Variants in G6PC1 observed in about 807,000 individuals in gnomAD.
The protein encoded by G6PC1 is glucose-6-phosphatase catalytic subunit 1, also known as G-6-Pase.
A neutral mutation model predicts 30.4 loss-of-function variants in G6PC1; 23 were observed. The observed-to-expected ratio is 0.76, with a 90% CI of 0.55 to 1.07. G6PC1 has a LOEUF of 1.07. Ranked by LOEUF, G6PC1 falls within the 50% of genes least tolerant of loss-of-function variation. The pLI is 0.00. For missense variants in G6PC1, 391 were observed against 433.9 expected (o/e 0.90, Z 0.88); for synonymous variants, 163 against 175.6 (o/e 0.93, Z 0.57).
At chr17:42,904,606 G>A (rs2056047256) in intron 2 of G6PC1, among the ~76,000 whole-genome samples, 1 of 152,116 alleles carries the variant, frequency 6.6e-6, no homozygotes, top group Admixed American at 6.6e-5. Context: ...AACTAGGGAA[G>A]GTCCCTTAGT....
Position 42,911,174 on chromosome 17 carries a change from T to C in G6PC1, c.822T>C (p.Ala274=), listed in dbSNP as rs761361643. The stretch of plus-strand genomic sequence containing the variant: ...GCACGCTCTTTGGCCTGGGGCTGGC[T>C]CTCAACTCCAGCATGTACAGGGAGA... The part of the protein sequence containing the change: ...NLGTLFGLGL[A]LNSSMYRESC... Residue 274 remains alanine, a synonymous_variant, in exon 5 of 5, where the codon GCT becomes GCC. Coordinates refer to ENST00000253801, the MANE Select transcript of G6PC1 (RefSeq NM_000151.4). The C allele has an allele frequency of 1.7e-5, 28 of 1,613,980 alleles. No individual in the cohort carries two copies. The highest frequency in any genetic ancestry group is 2.3e-5 in the Non-Finnish European group (27 of 1,180,018).
At position 42,911,713 on chromosome 17, in the gene G6PC1, C is replaced by G. The variant is rs541803451; in HGVS notation, c.*287C>G. 4.1e-6 allele frequency: 2 copies of G among 484,320 alleles called. No homozygotes were observed. The highest frequency in any genetic ancestry group is 3.8e-6 in the Non-Finnish European group (1 of 263,902). The allele number at this position is 484,320 out of a possible 1,614,324, so 30.0% of individuals were successfully genotyped here. On this transcript the variant is annotated 3_prime_UTR_variant, in exon 5 of 5. Transcript: ENST00000253801. ...TCCTCTCTCTACTTGAATACTCTCA[C>G]AAGTAGGGAGCTCACTCCCACTGGA... is the stretch of plus-strand genomic sequence containing the variant.
chr17:42,914,122 T>C lies in G6PC1; in HGVS notation c.*2696T>C, dbSNP rs2056112454. ...GTCTTTTTTTTTTTTTTAATAGAGATGGGGGTCTCACTATGCTGCCCAGGC... is the reference window on the plus strand; with the variant it reads ...GTCTTTTTTTTTTTTTTAATAGAGACGGGGGTCTCACTATGCTGCCCAGGC... On this transcript the variant is annotated 3_prime_UTR_variant, in exon 5 of 5. Transcript: ENST00000253801. Among the ~76,000 whole-genome samples, 1 of 150,960 alleles carries C rather than the reference T, an allele frequency of 6.6e-6. No homozygotes were observed. The highest frequency in any genetic ancestry group is 2.4e-5 in the African/African-American group (1 of 40,974).
At chr17:42,906,421 C>T (rs1402968928) in intron 2 of G6PC1, among the ~76,000 whole-genome samples, 5 of 152,214 alleles carry the variant, frequency 3.3e-5, no homozygotes, top group Middle Eastern at 3.4e-3. Context: ...TTGATCAAGG[C>T]GACTCTCTTT....
chr17:42,907,891 G>A (rs2056071943), intron 3 of G6PC1, among the ~76,000 whole-genome samples: 1 of 152,154 alleles, frequency 6.6e-6, no homozygotes, highest in South Asian at 2.1e-4. Context: ...TAAAAATAAG[G>A]TAGTGAAGTA....
chr17:42,913,453 C>T lies in G6PC1; in HGVS notation c.*2027C>T, dbSNP rs965927045. On this transcript the variant is annotated 3_prime_UTR_variant, in exon 5 of 5. Coordinates refer to ENST00000253801, the MANE Select transcript of G6PC1 (RefSeq NM_000151.4). The stretch of plus-strand genomic sequence containing the variant: ...TTGGTTTCTCTGTGCCTGCATTTTC[C>T]CTTTGGAGAAGAAAAGTGCTCTCTC... 5 of 152,128 alleles carry T rather than the reference C, an allele frequency of 3.3e-5. No homozygotes were observed. Among genetic ancestry groups the T allele is most frequent in the Admixed American group, 1.3e-4 (2 of 15,256 alleles). The allele number at this position is 152,128 out of a possible 1,614,324, so 9.4% of individuals were successfully genotyped here. A position where few individuals can be genotyped will look rare whatever the true frequency, so the allele number is the denominator to read the frequency against.
At chr17:42,903,054 A>C (rs1471515218) in intron 1 of G6PC1, among the ~76,000 whole-genome samples, 2 of 149,526 alleles carry the variant, frequency 1.3e-5, no homozygotes, top group Non-Finnish European at 3.0e-5. Flanking sequence ...AAAAAGTCAC[A>C]TAGCTGCCAT....
At chr17:42,910,083 CCTCGTGAT>C (rs1309027838) in intron 4 of G6PC1, among the ~76,000 whole-genome samples, 2 of 151,978 alleles carry the variant, frequency 1.3e-5, no homozygotes, top group African/African-American at 4.8e-5. Context: ...GATCTCCTGA[CCTCGTGAT>C]CCGCCCGCCT....
At chr17:42,908,656 C>T (rs1403356549) in intron 3 of G6PC1, among the ~76,000 whole-genome samples, 3 of 150,330 alleles carry the variant, frequency 2.0e-5, no homozygotes, top group African/African-American at 7.4e-5. Context: ...CCATCCGCCT[C>T]AGCCTCCCAA....
chr17:42,911,425 A>G lies in G6PC1; in HGVS notation c.1073A>G (p.Ter358=). The G allele has an allele frequency of 6.2e-7, 1 of 1,614,156 alleles. No homozygotes were observed. The highest frequency in any genetic ancestry group is 8.5e-7 in the Non-Finnish European group (1 of 1,180,022). The change falls in exon 5 of 5, where the codon TAA becomes TGA. Residue 358 remains the stop codon, a stop_retained_variant. Transcript: ENST00000253801. The part of the protein sequence containing the change: ...VLGQPHKKSL[*] ...GGCCAGCCGCACAAGAAGTCGTTGT[A>G]AGAGATGTGGAGTCTTCGGTGTTTA...
rs183285298 is a variant in G6PC1, at chr17:42,904,060, C to A, written c.340+20C>A. On this transcript the variant is annotated intron_variant, in intron 2 of 4. Coordinates refer to ENST00000253801, the MANE Select transcript of G6PC1 (RefSeq NM_000151.4). ...GACCAGGTAAGCGTCCCAGCCCCTGCAGACAGAAGCTGAGTGGACCTCGTT... is the reference window on the plus strand; with the variant it reads ...GACCAGGTAAGCGTCCCAGCCCCTGAAGACAGAAGCTGAGTGGACCTCGTT... 2 of 1,517,112 alleles carry A rather than the reference C, an allele frequency of 1.3e-6. No individual in the cohort carries two copies. Among genetic ancestry groups the A allele is most frequent in the Non-Finnish European group, 1.8e-6 (2 of 1,091,336 alleles). The allele number at this position is 1,517,112 out of a possible 1,614,324, so 94.0% of individuals were successfully genotyped here.
chr17:42,911,950 A>G lies in G6PC1; in HGVS notation c.*524A>G. On this transcript the variant is annotated 3_prime_UTR_variant, in exon 5 of 5. Transcript: ENST00000253801. ...CTTATTCTTCCGTCACATATACAAA[A>G]GCAAGACTTCCAGGTAGGGCCAGCT... The G allele has an allele frequency of 6.2e-6, 1 of 160,760 alleles. No homozygotes were observed. The highest frequency in any genetic ancestry group is 5.9e-5 in the Admixed American group (1 of 17,010). The allele number at this position is 160,760 out of a possible 1,614,324, so 10.0% of individuals were successfully genotyped here. A position where few individuals can be genotyped will look rare whatever the true frequency, so the allele number is the denominator to read the frequency against.
At position 42,914,409 on chromosome 17, in the gene G6PC1, TA is replaced by T. The variant is rs2056113983; in HGVS notation, c.*2986del. On this transcript the variant is annotated 3_prime_UTR_variant, in exon 5 of 5. Coordinates refer to ENST00000253801, the MANE Select transcript of G6PC1 (RefSeq NM_000151.4). ...GAGGTTGATAAGAAAACATAACAGA[TA>T]AAGTTTATTGAGTGCTAACTTTATG... Among the ~76,000 whole-genome samples, 1 of 152,230 alleles carries T rather than the reference TA, an allele frequency of 6.6e-6. No individual in the cohort carries two copies. Among genetic ancestry groups the T allele is most frequent in the South Asian group, 2.1e-4 (1 of 4,836 alleles).
chr17:42,912,261 C>T lies in G6PC1; in HGVS notation c.*835C>T, dbSNP rs1309855475. The T allele has an allele frequency of 1.3e-5, 2 of 152,162 alleles. No individual in the cohort carries two copies. Among genetic ancestry groups the T allele is most frequent in the African/African-American group, 2.4e-5 (1 of 41,410 alleles). The allele number at this position is 152,162 out of a possible 1,614,324, so 9.4% of individuals were successfully genotyped here. A position where few individuals can be genotyped will look rare whatever the true frequency, so the allele number is the denominator to read the frequency against. On this transcript the variant is annotated 3_prime_UTR_variant, in exon 5 of 5. Coordinates refer to ENST00000253801, the MANE Select transcript of G6PC1 (RefSeq NM_000151.4). ...TTTTTTACTGTGCATACATGTTCATCGTATTTCCTTGGATTTCTGAATGGC... is the reference window on the plus strand; with the variant it reads ...TTTTTTACTGTGCATACATGTTCATTGTATTTCCTTGGATTTCTGAATGGC...
In G6PC1 at chr17:42,913,565, C is replaced by A. The variant is rs1160490040; in HGVS notation, c.*2139C>A. Among the ~76,000 whole-genome samples, 1 of 152,122 alleles carries A rather than the reference C, an allele frequency of 6.6e-6. No homozygotes were observed. Among genetic ancestry groups the A allele is most frequent in the African/African-American group, 2.4e-5 (1 of 41,428 alleles). On this transcript the variant is annotated 3_prime_UTR_variant, in exon 5 of 5. Transcript: ENST00000253801. ...GCAGAGTTGAGCACATAAACGGAGG[C>A]CCAAAATCAGCATAGAACCAGAAAG...
At position 42,911,711 on chromosome 17, in the gene G6PC1, C is replaced by T; in HGVS notation, c.*285C>T. 1 of 490,394 alleles carries T rather than the reference C, an allele frequency of 2.0e-6. No homozygotes were observed. Among genetic ancestry groups the T allele is most frequent in the Non-Finnish European group, 3.7e-6 (1 of 267,736 alleles). The allele number at this position is 490,394 out of a possible 1,614,324, so 30.4% of individuals were successfully genotyped here. A position where few individuals can be genotyped will look rare whatever the true frequency, so the allele number is the denominator to read the frequency against. ...CCTCCTCTCTCTACTTGAATACTCTCACAAGTAGGGAGCTCACTCCCACTG... is the reference window on the plus strand; with the variant it reads ...CCTCCTCTCTCTACTTGAATACTCTTACAAGTAGGGAGCTCACTCCCACTG... On this transcript the variant is annotated 3_prime_UTR_variant, in exon 5 of 5. Transcript: ENST00000253801.
chr17:42,901,192 C>T, intron 1 of G6PC1, 86 bp downstream of exon 1: 1 of 1,172,420 alleles, frequency 8.5e-7, no homozygotes, highest in Non-Finnish European at 1.3e-6. Flanking sequence ...TTGCTTTCCC[C>T]AGGCTATTCA....
At chr17:42,910,560 A>T (rs1489528612) in intron 4 of G6PC1, among the ~76,000 whole-genome samples, 4 of 152,196 alleles carry the variant, frequency 2.6e-5, no homozygotes, top group African/African-American at 4.8e-5. Context: ...TTTCACACAG[A>T]CAAGGAAGAA....
chr17:42,904,516 A>G (rs1444481407), intron 2 of G6PC1, among the ~76,000 whole-genome samples: 2 of 152,140 alleles, frequency 1.3e-5, no homozygotes, highest in East Asian at 3.9e-4. Flanking sequence ...CCCTCACCCT[A>G]AAGTCTCAGC....
Sources: allele counts gnomAD v4.1 joint callset (sites outside exome capture counted in the v4.1 genomes callset), GRCh38; gene constraint gnomAD v4.1.1; transcripts MANE v1.5; gene names NCBI Gene and HGNC (gene_info 2026-07-23, HGNC 2026-07-21).